Variants in GLB1L2 observed in about 807,000 individuals in gnomAD.
GLB1L2 encodes galactosidase beta 1 like 2.
In GLB1L2, 68 loss-of-function variants were observed where a neutral mutation model predicts 84.1. The ratio of observed to expected loss-of-function variants is 0.81; its 90% CI spans 0.67 to 0.99. The LOEUF is 0.99. Among genes scored for constraint, GLB1L2 ranks in the 50% least tolerant of loss-of-function variants. The pLI is 0.00. For missense variants in GLB1L2, 762 were observed against 805.6 expected (o/e 0.95, Z 0.66); for synonymous variants, 290 against 318.0 (o/e 0.91, Z 0.94).
intron 15 of GLB1L2, 97 bp from the exon 16 acceptor site, chr11:134,373,624 C>T (rs1288622409): frequency 1.6e-5 from 12 of 772,330 alleles, no homozygotes; most frequent in East Asian, 2.4e-5. Flanking sequence ...TTCAGCACCC[C>T]TCACCCCAGC....
intron 5 of GLB1L2, among the ~76,000 whole-genome samples, chr11:134,355,288 A>G (rs561595823): frequency 1.3e-5 from 2 of 152,260 alleles, no homozygotes; most frequent in South Asian, 2.1e-4. Flanking sequence ...CAGCTGTTAT[A>G]GATCTTGCTC....
rs529820657 is a variant in GLB1L2, at chr11:134,356,057, T to G, written c.559-244T>G. ...TTGATTTGGTGGTCACTTGTTTGGT[T>G]AGACACTTAAATGGTTTCCAGAGCT... On this transcript the variant is annotated intron_variant, in intron 5 of 18. Transcript: ENST00000535456. 1.3e-5 allele frequency: 8 copies of G among 635,520 alleles called. No homozygotes were observed. In the East Asian group the frequency reaches 2.6e-4, roughly 21 times the overall value. The allele number at this position is 635,520 out of a possible 1,614,324, so 39.4% of individuals were successfully genotyped here.
chr11:134,337,347 C>T (rs1330740953), intron 1 of GLB1L2, among the ~76,000 whole-genome samples: 1 of 152,246 alleles, frequency 6.6e-6, no homozygotes, highest in Non-Finnish European at 1.5e-5. Context: ...AGGAGTCCAA[C>T]ACCTTGGGCC....
intron 1 of GLB1L2, 104 bp downstream of exon 1, chr11:134,332,251 G>A: frequency 1.3e-6 from 1 of 769,144 alleles, no homozygotes; most frequent in Non-Finnish European, 2.1e-6. Context: ...GTTCCCGGGG[G>A]GAGCAGCCCC....
intron 14 of GLB1L2, 30 bp from the exon 15 acceptor site, chr11:134,371,722 C>G: frequency 6.2e-7 from 1 of 1,609,468 alleles, no homozygotes; most frequent in South Asian, 1.1e-5. Flanking sequence ...GGCCTTCTGA[C>G]AGTCATCGTT....
In GLB1L2 at chr11:134,338,960, TC is replaced by T. The variant is rs1943427571; in HGVS notation, c.87-3792del. 6.6e-6 allele frequency among the ~76,000 whole-genome samples: 1 copy of T among 152,200 alleles called. No homozygotes were observed. The highest frequency in any genetic ancestry group is 2.4e-5 in the African/African-American group (1 of 41,442). ...TGAGCACTGAGTTCAGGGTTTGCTG[TC>T]CGGACTCTTCTAAGGTGGAAAAATC... is the stretch of plus-strand genomic sequence containing the variant. On this transcript the variant is annotated intron_variant, in intron 1 of 18. Coordinates refer to ENST00000535456, the MANE Select transcript of GLB1L2 (RefSeq NM_001370461.1). The surrounding 1 kb of genome is among the most constrained non-coding windows in gnomAD (Gnocchi z 6.2).
chr11:134,363,018 G>A (rs1943817615), intron 7 of GLB1L2, among the ~76,000 whole-genome samples: 1 of 152,196 alleles, frequency 6.6e-6, no homozygotes, highest in African/African-American at 2.4e-5. Context: ...GTATTTGTGA[G>A]ACGTATCAGG....
chr11:134,371,524 A>G lies in GLB1L2; in HGVS notation c.1428+32A>G, dbSNP rs780199468. 1.7e-5 allele frequency: 23 copies of G among 1,322,272 alleles called. No homozygotes were observed. In the South Asian group the frequency reaches 2.2e-4, roughly 13 times the overall value. The allele number at this position is 1,322,272 out of a possible 1,614,324, so 81.9% of individuals were successfully genotyped here. ...TGTTTTTGGGAGCTGGGTGATGGCTAGCCCCCGCTGCTTCGAGGAAGTCTG... is the reference window on the plus strand; with the variant it reads ...TGTTTTTGGGAGCTGGGTGATGGCTGGCCCCCGCTGCTTCGAGGAAGTCTG... On this transcript the variant is annotated intron_variant, in intron 14 of 18. Transcript: ENST00000535456.
At chr11:134,335,722 T>C (rs1161034877) in intron 1 of GLB1L2, among the ~76,000 whole-genome samples, 6 of 152,156 alleles carry the variant, frequency 3.9e-5, no homozygotes, top group Admixed American at 3.9e-4. Flanking sequence ...CACCTTAAGG[T>C]AAGGAAGTGG....
At chr11:134,349,382 A>T (rs1943594850) in intron 5 of GLB1L2, among the ~76,000 whole-genome samples, 1 of 152,212 alleles carries the variant, frequency 6.6e-6, no homozygotes, top group African/African-American at 2.4e-5. Context: ...GGCCACTGTA[A>T]ATAAAGCTGC....
At chr11:134,343,020 A>C (rs1358720038) in intron 2 of GLB1L2, 69 bp downstream of exon 2, 3 of 1,505,256 alleles carry the variant, frequency 2.0e-6, no homozygotes, top group Non-Finnish European at 2.7e-6. Context: ...CATGCGAAAA[A>C]ATATAAGAGG....
At chr11:134,372,042 C>T (rs1438101156) in intron 15 of GLB1L2, among the ~76,000 whole-genome samples, 1 of 152,220 alleles carries the variant, frequency 6.6e-6, no homozygotes, top group Non-Finnish European at 1.5e-5. Context: ...CGTGCATCGT[C>T]TGCGTGCTCG....
chr11:134,344,055 T>C (rs1943509148), intron 2 of GLB1L2, among the ~76,000 whole-genome samples: 1 of 152,216 alleles, frequency 6.6e-6, no homozygotes, highest in South Asian at 2.1e-4. Context: ...TCACCGAGCT[T>C]TCCCCTTACT....
Position 134,356,346 on chromosome 11 carries a change from T to C in GLB1L2, c.604T>C (p.Tyr202His). 6.2e-7 allele frequency: 1 copy of C among 1,614,058 alleles called. No individual in the cohort carries two copies. The highest frequency in any genetic ancestry group is 8.5e-7 in the Non-Finnish European group (1 of 1,179,944). Reference sequence around the variant, plus strand: ...CATTGCCGTGCAGGTGGAGAATGAATATGGTTCCTATAATAAAGACCCCGC... The same window carrying C: ...CATTGCCGTGCAGGTGGAGAATGAACATGGTTCCTATAATAAAGACCCCGC... ...PIIAVQVENE[Y>H]GSYNKDPAYM... The change falls in exon 6 of 19, where the codon TAT becomes CAT. Residue 202 changes from tyrosine to histidine, a missense_variant. Physicochemically the swap from Tyr to His is moderately conservative, Grantham distance 83. This residue lies in a region of GLB1L2 where 603 missense variants were observed against 611.7 expected (regional missense o/e 0.99). Transcript: ENST00000535456.
rs1943420681 is a variant in GLB1L2, at chr11:134,338,626, C to A, written c.87-4128C>A. On this transcript the variant is annotated intron_variant, in intron 1 of 18. Transcript: ENST00000535456. The surrounding 1 kb of genome is among the most constrained non-coding windows in gnomAD (Gnocchi z 6.2). ...CTCCAGAGGGCTCCACCTCCCCCTG[C>A]TTCCTCACCACGGGGCACAGCAGAA... 6.6e-6 allele frequency among the ~76,000 whole-genome samples: 1 copy of A among 152,238 alleles called. No individual in the cohort carries two copies. Among genetic ancestry groups the A allele is most frequent in the South Asian group, 2.1e-4 (1 of 4,830 alleles).
intron 4 of GLB1L2, among the ~76,000 whole-genome samples, 190 bp downstream of exon 4, chr11:134,345,319 C>G (rs75552486): frequency 0.015 from 2,265 of 152,338 alleles, 49 homozygotes; most frequent in African/African-American, 0.05. Flanking sequence ...AGTGAGTGCC[C>G]TCACGTAGCC....
chr11:134,371,060 G>A lies in GLB1L2; in HGVS notation c.1268G>A (p.Gly423Glu). The change falls in exon 13 of 19, where the codon GGA becomes GAA. Residue 423 changes from glycine (G) to glutamate (E), a missense_variant. By Grantham distance (98) the Gly-to-Glu change is moderately conservative. Coordinates refer to ENST00000535456, the MANE Select transcript of GLB1L2 (RefSeq NM_001370461.1). ...ATGGAGAACCTGCCAGTCAATGGGG[G>A]AAATGGACAGTCCTTCGGGTACATT... Reference protein sequence around the residue: ...INMENLPVNGGNGQSFGYILY... With the variant: ...INMENLPVNGENGQSFGYILY... 7 of 1,614,186 alleles carry A rather than the reference G, an allele frequency of 4.3e-6. No individual in the cohort carries two copies. The highest frequency in any genetic ancestry group is 5.9e-6 in the Non-Finnish European group (7 of 1,180,026).
At chr11:134,372,023 C>G (rs995191470) in intron 15 of GLB1L2, among the ~76,000 whole-genome samples, 193 bp downstream of exon 15, 14 of 152,202 alleles carry the variant, frequency 9.2e-5, no homozygotes, top group Non-Finnish European at 1.8e-4. Context: ...GTCCTGTTAG[C>G]ACTGCACGCG....
intron 8 of GLB1L2, 32 bp from the exon 9 acceptor site, chr11:134,367,225 T>C: frequency 1.3e-6 from 2 of 1,585,462 alleles, no homozygotes; most frequent in Non-Finnish European, 1.7e-6. Context: ...CTGGCCAGCC[T>C]GCTTGTCTAA....
Sources: gnomAD v4.1 joint callset for allele counts (sites outside exome capture counted in the v4.1 genomes callset) on GRCh38, gnomAD v4.1.1 for gene constraint, gnomAD v4.1.1 regional missense constraint, Gnocchi (gnomAD v3.1) non-coding constraint, MANE v1.5 for transcripts, NCBI Gene and HGNC (gene_info 2026-07-23, HGNC 2026-07-21) for gene names.